SLC39A11: variants seen among roughly 807,000 people sequenced by gnomAD.
SLC39A11 encodes solute carrier family 39 member 11.
A neutral mutation model predicts 36.1 loss-of-function variants in SLC39A11; 33 were observed. The observed-to-expected ratio is 0.91, with a 90% CI of 0.69 to 1.22. SLC39A11 has a LOEUF of 1.22. Ranked by LOEUF, SLC39A11 falls within the 50% of genes most tolerant of loss-of-function variation. The pLI, the probability that SLC39A11 is intolerant of heterozygous loss-of-function variation, is 0.00. For synonymous variants in SLC39A11, 166 were observed against 170.3 expected (o/e 0.97, Z 0.20); for missense variants, 432 against 430.3 (o/e 1.00, Z -0.03).
intron 7 of SLC39A11, among the ~76,000 whole-genome samples, chr17:72,728,678 C>T (rs973226592): frequency 1.3e-5 from 2 of 152,056 alleles, no homozygotes; most frequent in Non-Finnish European, 2.9e-5. Flanking sequence ...AAATTTGGCC[C>T]GCAGACCATA....
chr17:72,869,226 GCTGA>G (rs1272217445), intron 5 of SLC39A11, among the ~76,000 whole-genome samples: 3 of 152,210 alleles, frequency 2.0e-5, no homozygotes, highest in Non-Finnish European at 4.4e-5. Flanking sequence ...GAGAACATCT[GCTGA>G]CTGAGGAGGC....
At chr17:72,722,981 T>C (rs1389354366) in intron 7 of SLC39A11, among the ~76,000 whole-genome samples, 4 of 152,182 alleles carry the variant, frequency 2.6e-5, no homozygotes, top group Admixed American at 2.0e-4. Flanking sequence ...TCACTGACCA[T>C]GGCGGTCTAC....
intron 7 of SLC39A11, among the ~76,000 whole-genome samples, chr17:72,672,573 A>G (rs1425282577): frequency 6.6e-6 from 1 of 152,100 alleles, no homozygotes; most frequent in African/African-American, 2.4e-5. Context: ...AATATGGCCT[A>G]CCTCCTGTTT....
intron 6 of SLC39A11, among the ~76,000 whole-genome samples, chr17:72,768,377 T>C (rs558422345): frequency 1.4e-4 from 22 of 152,204 alleles, no homozygotes; most frequent in African/African-American, 5.1e-4. Context: ...AAAGGCAAGA[T>C]AGTGAGGTGG....
intron 5 of SLC39A11, among the ~76,000 whole-genome samples, chr17:72,865,887 C>A (rs2080275858): frequency 6.6e-6 from 1 of 152,186 alleles, no homozygotes. Context: ...AATCCACAGT[C>A]ATTTCTATTG....
chr17:72,849,814 A>G lies in SLC39A11; in HGVS notation c.431-10T>C. The G allele has an allele frequency of 8.5e-7, 1 of 1,172,664 alleles. No homozygotes were observed. The highest frequency in any genetic ancestry group is 1.1e-6 in the Non-Finnish European group (1 of 888,816). The allele number at this position is 1,172,664 out of a possible 1,614,324, so 72.6% of individuals were successfully genotyped here. On this transcript the variant is annotated splice_polypyrimidine_tract_variant and intron_variant, in intron 5 of 9. Coordinates refer to ENST00000255559, the MANE Select transcript of SLC39A11 (RefSeq NM_139177.4). ...CCATTCTCACTCTTGTCTGAGCAAA[A>G]AAAAAAAAAAAGAGAGATGGGGAAA...
At chr17:73,080,980 A>G (rs2144723644) in intron 3 of SLC39A11, among the ~76,000 whole-genome samples, 1 of 151,206 alleles carries the variant, frequency 6.6e-6, no homozygotes, top group Admixed American at 6.6e-5. Context: ...ATAAATAAAT[A>G]AATAAATAAT....
chr17:73,067,841 T>C (rs966086136), intron 3 of SLC39A11: 3 of 1,586,448 alleles, frequency 1.9e-6, no homozygotes, highest in South Asian at 1.1e-5. Flanking sequence ...ATCCATTTAA[T>C]GTAGCAAGTT....
In SLC39A11 at chr17:72,997,237, T is replaced by C. The variant is rs140132198; in HGVS notation, c.306+34319A>G. 9.2e-5 allele frequency among the ~76,000 whole-genome samples: 14 copies of C among 152,230 alleles called. No homozygotes were observed. The East Asian group carries it at 2.3e-3, about 25-fold the overall frequency. The stretch of plus-strand genomic sequence containing the variant: ...ATGAACGAGCCGGCCTGCTGCAAGG[T>C]CTCTTTAACGTACAGAGTAGCTCCC... On this transcript the variant is annotated intron_variant, in intron 4 of 9. Coordinates refer to ENST00000255559, the MANE Select transcript of SLC39A11 (RefSeq NM_139177.4).
intron 4 of SLC39A11, among the ~76,000 whole-genome samples, chr17:72,991,725 A>T (rs2089196045): frequency 6.6e-6 from 1 of 152,254 alleles, no homozygotes; most frequent in South Asian, 2.1e-4. Context: ...CAATTTAATT[A>T]TTCATTCTTC....
At chr17:72,829,734 C>A (rs903345486) in intron 6 of SLC39A11, among the ~76,000 whole-genome samples, 3 of 152,100 alleles carry the variant, frequency 2.0e-5, no homozygotes, top group Non-Finnish European at 4.4e-5. Context: ...CCTGGTGTCC[C>A]CATCCTCATG....
At chr17:72,691,210 G>A (rs1427301593) in intron 7 of SLC39A11, among the ~76,000 whole-genome samples, 2 of 152,166 alleles carry the variant, frequency 1.3e-5, no homozygotes, top group African/African-American at 4.8e-5. Context: ...CCTCACAGAT[G>A]ACCATGTGCA....
intron 5 of SLC39A11, among the ~76,000 whole-genome samples, chr17:72,889,883 C>A (rs144335520): frequency 6.6e-6 from 1 of 152,152 alleles, no homozygotes; most frequent in Non-Finnish European, 1.5e-5. Context: ...GCTTGAGTAT[C>A]GTGTAAGGAG....
At chr17:72,697,531 T>C (rs1357130728) in intron 7 of SLC39A11, among the ~76,000 whole-genome samples, 2 of 152,278 alleles carry the variant, frequency 1.3e-5, no homozygotes, top group East Asian at 3.9e-4. Context: ...TCTCCATCAG[T>C]GCCCATCACC....
At chr17:72,698,041 A>C (rs193293111) in intron 7 of SLC39A11, among the ~76,000 whole-genome samples, 35 of 152,352 alleles carry the variant, frequency 2.3e-4, no homozygotes, top group Admixed American at 2.2e-3. Flanking sequence ...GCCCATCTGC[A>C]AAGACTAAAC....
intron 7 of SLC39A11, among the ~76,000 whole-genome samples, chr17:72,665,628 T>C (rs1263722442): frequency 6.6e-6 from 1 of 151,978 alleles, no homozygotes; most frequent in East Asian, 1.9e-4. Context: ...GCCCAAGTGA[T>C]TCTCCTACCT....
chr17:73,048,006 T>TATATATATATATAA (rs2059375863), intron 3 of SLC39A11, among the ~76,000 whole-genome samples: 1 of 69,102 alleles, frequency 1.4e-5, no homozygotes, highest in African/African-American at 5.1e-5. Flanking sequence ...TATATATATA[T>TATATATATATATAA]ATATATATAT....
intron 7 of SLC39A11, among the ~76,000 whole-genome samples, chr17:72,679,791 C>T (rs2071430391): frequency 6.6e-6 from 1 of 152,102 alleles, no homozygotes; most frequent in African/African-American, 2.4e-5. Context: ...CGCCTGTAAT[C>T]CCAGCACTTT....
At chr17:72,674,866 C>T (rs1001758588) in intron 7 of SLC39A11, among the ~76,000 whole-genome samples, 1 of 152,116 alleles carries the variant, frequency 6.6e-6, no homozygotes, top group East Asian at 1.9e-4. Flanking sequence ...CTGGTCACAT[C>T]TTTCCCCCAA....
Sources: gnomAD v4.1 joint callset for allele counts (sites outside exome capture counted in the v4.1 genomes callset) on GRCh38, gnomAD v4.1.1 for gene constraint, MANE v1.5 for transcripts, NCBI Gene and HGNC (gene_info 2026-07-23, HGNC 2026-07-21) for gene names.